The following ZBTB38 variants were observed in gnomAD, a reference collection of about 807,000 sequenced individuals.
ZBTB38 encodes the protein zinc finger and BTB domain-containing protein 38.
Under a neutral mutation model 76.8 loss-of-function variants are expected in ZBTB38, and 20 were observed. The observed-to-expected ratio is 0.26, with a 90% CI of 0.18 to 0.38. ZBTB38 has a LOEUF of 0.38. Ranked by LOEUF, ZBTB38 falls within the 10% of genes least tolerant of loss-of-function variation. ZBTB38 has a pLI of 1.00. For synonymous variants in ZBTB38, 504 were observed against 544.2 expected (o/e 0.93, Z 1.03); for missense variants, 1,082 against 1,482.3 (o/e 0.73, Z 4.43).
chr3:141,444,404 G>A lies in ZBTB38; in HGVS notation c.2016G>A (p.Glu672=), dbSNP rs2080808774. 6.2e-7 allele frequency: 1 copy of A among 1,613,904 alleles called. No individual in the cohort carries two copies. Among genetic ancestry groups the A allele is most frequent in the Non-Finnish European group, 8.5e-7 (1 of 1,180,032 alleles). ...TTGACAATAACTTTTATTCAACTGA[G>A]GTGTCAGTTTCTTCCACTGAAAATG... ...MDLDNNFYST[E]VSVSSTENAV... is the part of the protein sequence containing the mutation. The change falls in exon 6 of 6, where the codon GAG becomes GAA. Residue 672 remains glutamate, a synonymous_variant. Transcript: ENST00000321464. This position sits in a 1 kb window ranked among gnomAD's most constrained non-coding sequence, Gnocchi z 5.1.
intron 1 of ZBTB38, among the ~76,000 whole-genome samples, chr3:141,351,724 A>T (rs1429867619): frequency 1.8e-4 from 19 of 107,776 alleles, no homozygotes; most frequent in African/African-American, 1.1e-3. Context: ...TGTCTCTTAA[A>T]AAAAAAAAAA....
At position 141,371,022 on chromosome 3, in the gene ZBTB38, T is replaced by TTTTTC. The variant is rs1373972691; in HGVS notation, c.-235+1090_-235+1094dup. ...CCTTTAAACCAAGTTATTAAACTGT[T>TTTTTC]TTTTCTTTTCTTTTCTTTCTTTCTT... is the stretch of plus-strand genomic sequence containing the variant. On this transcript the variant is annotated intron_variant, in intron 2 of 5. Coordinates refer to ENST00000321464, the MANE Select transcript of ZBTB38 (RefSeq NM_001376113.1). Among the ~76,000 whole-genome samples, 213 of 148,936 alleles carry TTTTTC rather than the reference T, an allele frequency of 1.4e-3. 2 individuals are homozygous for TTTTTC. The highest frequency in any genetic ancestry group is 5.0e-3 in the African/African-American group (199 of 39,902).
At chr3:141,436,948 A>G (rs1016934379) in intron 5 of ZBTB38, among the ~76,000 whole-genome samples, 2 of 152,248 alleles carry the variant, frequency 1.3e-5, no homozygotes, top group Non-Finnish European at 2.9e-5. Context: ...CTGCAGATTT[A>G]GAACTCATTT....
intron 1 of ZBTB38, among the ~76,000 whole-genome samples, chr3:141,363,474 A>G (rs1289288425): frequency 6.6e-6 from 1 of 152,202 alleles, no homozygotes; most frequent in Non-Finnish European, 1.5e-5. Flanking sequence ...GTGGACTCAC[A>G]CTTCCTAATT....
intron 1 of ZBTB38, among the ~76,000 whole-genome samples, chr3:141,325,112 T>C (rs1405111314): frequency 1.3e-5 from 2 of 152,190 alleles, no homozygotes; most frequent in African/African-American, 2.4e-5. Flanking sequence ...AAGCTGATCA[T>C]GGTGGTGATA....
intron 5 of ZBTB38, among the ~76,000 whole-genome samples, chr3:141,412,922 G>A (rs1957138726): frequency 6.6e-6 from 1 of 152,070 alleles, no homozygotes; most frequent in African/African-American, 2.4e-5. Context: ...CCTACTGGTG[G>A]GCTTGCCGGA....
upstream of ZBTB38, chr3:141,366,288 G>C (rs1216259816): frequency 6.6e-6 from 1 of 152,186 alleles, no homozygotes; most frequent in Non-Finnish European, 1.5e-5. Flanking sequence ...CATCTTATTA[G>C]AGAAATAAAT....
chr3:141,364,162 C>T (rs1943892354), upstream of ZBTB38, among the ~76,000 whole-genome samples: 1 of 151,528 alleles, frequency 6.6e-6, no homozygotes, highest in South Asian at 2.1e-4. Context: ...TGTGGTGGCT[C>T]ACGCCTGTAA....
chr3:141,392,770 AT>A (rs775404487), intron 4 of ZBTB38: 9 of 152,200 alleles, frequency 5.9e-5, no homozygotes, highest in Non-Finnish European at 1.0e-4. Context: ...AAAAATTTGA[AT>A]TTGTGATGTA....
intron 2 of ZBTB38, among the ~76,000 whole-genome samples, chr3:141,378,551 C>CA (rs1175637189): frequency 6.6e-6 from 1 of 152,124 alleles, no homozygotes; most frequent in South Asian, 2.1e-4. Flanking sequence ...TGCTATTTCA[C>CA]AAAAAAGGTA....
rs776666444 is a variant in ZBTB38 at position 141,409,727 on chromosome 3, C to T, written c.-1+5696C>T. On this transcript the variant is annotated intron_variant, in intron 5 of 5. Coordinates refer to ENST00000321464, the MANE Select transcript of ZBTB38 (RefSeq NM_001376113.1). ...AGTAAAACACCAATGGAGTTCCACA[C>T]TGATCAGATCAATCAATTTGTGTCT... 4.6e-5 allele frequency among the ~76,000 whole-genome samples: 7 copies of T among 152,362 alleles called. No homozygotes were observed. In the South Asian group the frequency reaches 1.4e-3, roughly 32 times the overall value.
chr3:141,389,117 G>T (rs1948030885), intron 4 of ZBTB38: 1 of 152,184 alleles, frequency 6.6e-6, no homozygotes. Context: ...AACCTTTGTG[G>T]AAATATCTCT....
At chr3:141,437,295 T>C (rs1189168666) in intron 5 of ZBTB38, among the ~76,000 whole-genome samples, 1 of 152,222 alleles carries the variant, frequency 6.6e-6, no homozygotes, top group Non-Finnish European at 1.5e-5. Context: ...TGTCCATATC[T>C]GCAGCACTCA....
At chr3:141,384,374 G>A (rs1273458151) in intron 3 of ZBTB38, among the ~76,000 whole-genome samples, 2 of 152,204 alleles carry the variant, frequency 1.3e-5, no homozygotes, top group Non-Finnish European at 2.9e-5. Context: ...TATTATTCCC[G>A]ACAGAGGAGG....
intron 4 of ZBTB38, among the ~76,000 whole-genome samples, chr3:141,393,443 A>AT (rs963722751): frequency 8.6e-5 from 13 of 151,502 alleles, no homozygotes; most frequent in East Asian, 3.9e-4. Flanking sequence ...TGCCCTTGTC[A>AT]TTTTTTTTTC....
chr3:141,327,024 G>A (rs1039668532), intron 1 of ZBTB38, among the ~76,000 whole-genome samples: 1 of 152,138 alleles, frequency 6.6e-6, no homozygotes, highest in Non-Finnish European at 1.5e-5. Flanking sequence ...TTTTTTTGAG[G>A]TGTTTGTATT....
At chr3:141,356,297 GC>G (rs1217758624) in intron 1 of ZBTB38, among the ~76,000 whole-genome samples, 8 of 152,092 alleles carry the variant, frequency 5.3e-5, no homozygotes, top group Admixed American at 5.2e-4. Flanking sequence ...GAATAGGACT[GC>G]TCATACAGTG....
chr3:141,347,145 A>C (rs1943387198), intron 1 of ZBTB38, among the ~76,000 whole-genome samples: 2 of 152,196 alleles, frequency 1.3e-5, no homozygotes, highest in African/African-American at 4.8e-5. Context: ...CGTGGGCTGC[A>C]TGGCATTTCT....
At chr3:141,339,355 T>C (rs575033918) in intron 1 of ZBTB38, among the ~76,000 whole-genome samples, 2 of 152,286 alleles carry the variant, frequency 1.3e-5, no homozygotes, top group Admixed American at 1.3e-4. Flanking sequence ...TTTGGAGCAT[T>C]TTGAACAGAA....
Sources: gnomAD v4.1 joint callset for allele counts (sites outside exome capture counted in the v4.1 genomes callset) on GRCh38, gnomAD v4.1.1 for gene constraint, Gnocchi (gnomAD v3.1) non-coding constraint, MANE v1.5 for transcripts, NCBI Gene and HGNC (gene_info 2026-07-23, HGNC 2026-07-21) for gene names.